Variants in MAGEL2 observed in about 807,000 individuals in gnomAD.
MAGEL2 encodes MAGE family member L2.
For missense variants in MAGEL2, 1,830 were observed against 1,699.2 expected, an observed-to-expected ratio of 1.08 and a Z score of -1.35; for synonymous variants, 792 against 721.7, an observed-to-expected ratio of 1.10 and a Z score of -1.56.
In MAGEL2 at chr15:23,646,315, T is replaced by C. The variant is rs1890401815; in HGVS notation, c.1428A>G (p.Pro476=). Residue 476 remains proline (P), a synonymous_variant, in exon 1 of 1, where the codon CCA becomes CCG. Transcript: ENST00000650528. This position sits in a 1 kb window ranked among gnomAD's most constrained non-coding sequence, Gnocchi z 4.2. ...CAGGTGGAGCCTGGCGGATCACAGG[T>C]GGGGCCTGGCGGATCACAGGTGGGG... ...RQAPPVIRQA[P]PVIRQAPPVI... is the part of the protein sequence containing the mutation. 1 of 1,363,862 alleles carries C rather than the reference T, an allele frequency of 7.3e-7. No individual in the cohort carries two copies. The highest frequency in any genetic ancestry group is 9.3e-7 in the Non-Finnish European group (1 of 1,070,662). The allele number at this position is 1,363,862 out of a possible 1,614,324, so 84.5% of individuals were successfully genotyped here.
Position 23,646,104 on chromosome 15 carries a change from G to A in MAGEL2, c.1639C>T (p.Pro547Ser). The A allele has an allele frequency of 1.4e-6, 2 of 1,418,194 alleles. No homozygotes were observed. The highest frequency in any genetic ancestry group is 1.5e-5 in the South Asian group (1 of 66,548). 87.9% of individuals were successfully genotyped at this position (1,418,194 alleles called of 1,614,324 possible). A position where few individuals can be genotyped will look rare whatever the true frequency, so the allele number is the denominator to read the frequency against. Reference sequence around the variant, plus strand: ...GGCGCCGCGGGTACCTGCGTAGCAGGTGGGGCCGTAGGCACCTGCGGCGCC... The same window carrying A: ...GGCGCCGCGGGTACCTGCGTAGCAGATGGGGCCGTAGGCACCTGCGGCGCC... Reference protein sequence around the residue: ...QAAPQVPTAPPATQVPAAPPA... With the variant: ...QAAPQVPTAPSATQVPAAPPA... Residue 547 changes from proline (P) to serine (S), a missense_variant, in exon 1 of 1, where the codon CCT becomes TCT. By Grantham distance (74) the Pro-to-Ser change is moderately conservative (BLOSUM62 -1). Transcript: ENST00000650528. This position sits in a 1 kb window ranked among gnomAD's most constrained non-coding sequence, Gnocchi z 4.2.
rs556339446 is a variant in MAGEL2, at chr15:23,644,157, G to A, written c.3586C>T (p.Leu1196Phe). 2 of 1,613,984 alleles carry A rather than the reference G, an allele frequency of 1.2e-6. No individual in the cohort carries two copies. Among genetic ancestry groups the A allele is most frequent in the Non-Finnish European group, 1.7e-6 (2 of 1,179,886 alleles). ...AGCTTGGCCAAAAACCTCAGGACAA[G>A]CATCTTGCTGGTTTCCAGGAATGCT... ...PRAFLETSKM[L>F]VLRFLAKLHK... The change falls in exon 1 of 1, where the codon CTT (leucine) becomes TTT (phenylalanine). Residue 1196 changes from leucine to phenylalanine, a missense_variant. Physicochemically the swap from Leu to Phe is conservative, Grantham distance 22. Transcript: ENST00000650528.
rs376987796 is a variant in MAGEL2 at position 23,644,773 on chromosome 15, G to T, written c.2970C>A (p.Pro990=). ...CACTTGCGACCTCAGACACAACTAC[G>T]GGCAGAGAGCTCCCTGGGCTTTCAG... ...GLSESPGSSL[P]VVVSEVASVS... The change falls in exon 1 of 1, where the codon CCC becomes CCA. Residue 990 remains proline (P), a synonymous_variant. Transcript: ENST00000650528. 6.2e-7 allele frequency: 1 copy of T among 1,613,680 alleles called. No individual in the cohort carries two copies. Among genetic ancestry groups the T allele is most frequent in the Non-Finnish European group, 8.5e-7 (1 of 1,179,880 alleles).
At position 23,645,106 on chromosome 15, in the gene MAGEL2, T is replaced by C. The variant is rs367734956; in HGVS notation, c.2637A>G (p.Pro879=). The C allele has an allele frequency of 5.0e-5, 81 of 1,613,798 alleles. 3 individuals carry two copies. The African/African-American group carries it at 5.6e-4, about 11-fold the overall frequency. The change falls in exon 1 of 1, where the codon CCA becomes CCG. Residue 879 remains proline, a synonymous_variant. Coordinates refer to ENST00000650528, the MANE Select transcript of MAGEL2 (RefSeq NM_019066.5). ...TCCGGGTGGCCTTGCCGGAGCGGCG[T>C]GGCGGCTCGACGGAGGTCTTGGAGG... is the stretch of plus-strand genomic sequence containing the variant. ...QEASKTSVEP[P]RRSGKATRKK...
rs1187458572 is a variant in MAGEL2, at chr15:23,645,650, C to T, written c.2093G>A (p.Gly698Glu). 2 of 1,578,202 alleles carry T rather than the reference C, an allele frequency of 1.3e-6. No homozygotes were observed. Among genetic ancestry groups the T allele is most frequent in the African/African-American group, 2.7e-5 (2 of 73,844 alleles). ...APPAVLQAQP[G>E]PPVAAANFPL... ...AAAATTTGCCGCTGCTACCGGGGGT[C>T]CGGGCTGGGCCTGCAAGACTGCAGG... Residue 698 changes from glycine to glutamate, a missense_variant, in exon 1 of 1, where the codon GGA becomes GAA. Gly to Glu is a moderately conservative substitution (Grantham distance 98). Coordinates refer to ENST00000650528, the MANE Select transcript of MAGEL2 (RefSeq NM_019066.5).
In MAGEL2 at chr15:23,647,309, G is replaced by A. The variant is rs372352945; in HGVS notation, c.434C>T (p.Pro145Leu). 8.1e-5 allele frequency: 124 copies of A among 1,536,214 alleles called. No individual in the cohort carries two copies. The East Asian group carries it at 8.8e-4, about 11-fold the overall frequency. Reference sequence around the variant, plus strand: ...GGGAGGGTGGGACATTGGGGTCCCCGGAGGAGGAGGATGGGCCATGGGAGC... The same window carrying A: ...GGGAGGGTGGGACATTGGGGTCCCCAGAGGAGGAGGATGGGCCATGGGAGC... ...PGAPMAHPPPPGTPMSHPPPP... is the reference protein window; with the variant it reads ...PGAPMAHPPPLGTPMSHPPPP... Residue 145 changes from proline (P) to leucine (L), a missense_variant, in exon 1 of 1, where the codon CCG (proline) becomes CTG (leucine). By Grantham distance (98) the Pro-to-Leu change is moderately conservative. Transcript: ENST00000650528.
rs1038272246 is a variant in MAGEL2 at position 23,647,461 on chromosome 15, C to T, written c.282G>A (p.Pro94=). 3 of 1,533,804 alleles carry T rather than the reference C, an allele frequency of 2.0e-6. No individual in the cohort carries two copies. The highest frequency in any genetic ancestry group is 2.7e-5 in the African/African-American group (2 of 72,936). ...GAGGCTTACCCATCGGGCCCCCCAG[C>T]GGGGGAGCCGGGACTATCGGGCCCC... ...ALGGPIVPAP[P]LGGPMGKPPT... is the part of the protein sequence containing the mutation. The change falls in exon 1 of 1, where the codon CCG becomes CCA. Residue 94 remains proline (P), a synonymous_variant. Coordinates refer to ENST00000650528, the MANE Select transcript of MAGEL2 (RefSeq NM_019066.5).
At position 23,645,515 on chromosome 15, in the gene MAGEL2, C is replaced by T. The variant is rs769390522; in HGVS notation, c.2228G>A (p.Arg743Lys). 110 of 1,613,742 alleles carry T rather than the reference C, an allele frequency of 6.8e-5. No individual in the cohort carries two copies. The highest frequency in any genetic ancestry group is 8.5e-5 in the Non-Finnish European group (100 of 1,179,862). The change falls in exon 1 of 1, where the codon AGG becomes AAG. Residue 743 changes from arginine (R) to lysine (K), a missense_variant. Coordinates refer to ENST00000650528, the MANE Select transcript of MAGEL2 (RefSeq NM_019066.5). Reference protein sequence around the residue: ...KERRTSSKERRAPSKDRMIFA... With the variant: ...KERRTSSKERKAPSKDRMIFA... Reference sequence around the variant, plus strand: ...GATCATGCGGTCTTTTGAAGGGGCCCTGCGCTCCTTCGAGGAGGTCCTGCG... The same window carrying T: ...GATCATGCGGTCTTTTGAAGGGGCCTTGCGCTCCTTCGAGGAGGTCCTGCG...
rs755699846 is a variant in MAGEL2 at position 23,645,539 on chromosome 15, C to A, written c.2204G>T (p.Arg735Leu). The change falls in exon 1 of 1, where the codon CGC (arginine) becomes CTC (leucine). Residue 735 changes from arginine (R) to leucine (L), a missense_variant. Arg to Leu is a moderately radical substitution (Grantham distance 102). Transcript: ENST00000650528. The part of the protein sequence containing the change: ...SIDRRGSSKE[R>L]RTSSKERRAP... ...CCTGCGCTCCTTCGAGGAGGTCCTG[C>A]GCTCTTTAGAGGAGCCCCTGCGGTC... 2 of 1,613,500 alleles carry A rather than the reference C, an allele frequency of 1.2e-6. No homozygotes were observed. The highest frequency in any genetic ancestry group is 8.5e-7 in the Non-Finnish European group (1 of 1,179,732).
Position 23,643,880 on chromosome 15 carries a change from C to A in MAGEL2, c.*113G>T. ...GCAGATACGAAACCAAGTTGAAAATCCAAACGTACACTCGTGGAACTGGAA... is the reference window on the plus strand; with the variant it reads ...GCAGATACGAAACCAAGTTGAAAATACAAACGTACACTCGTGGAACTGGAA... On this transcript the variant is annotated 3_prime_UTR_variant, in exon 1 of 1. Coordinates refer to ENST00000650528, the MANE Select transcript of MAGEL2 (RefSeq NM_019066.5). 5 of 1,238,946 alleles carry A rather than the reference C, an allele frequency of 4.0e-6. No individual in the cohort carries two copies. Among genetic ancestry groups the A allele is most frequent in the South Asian group, 1.9e-5 (1 of 51,412 alleles). 76.7% of individuals were successfully genotyped at this position (1,238,946 alleles called of 1,614,324 possible).
In MAGEL2 at chr15:23,644,356, C is replaced by A; in HGVS notation, c.3387G>T (p.Glu1129Asp). The A allele has an allele frequency of 6.2e-7, 1 of 1,613,910 alleles. No individual in the cohort carries two copies. Among genetic ancestry groups the A allele is most frequent in the Non-Finnish European group, 8.5e-7 (1 of 1,179,892 alleles). ...TGAACAGAAAATTAAAGATCAGATCCTCCCTGACACAGTTGCCTTTCATAA... is the reference window on the plus strand; with the variant it reads ...TGAACAGAAAATTAAAGATCAGATCATCCCTGACACAGTTGCCTTTCATAA... Reference protein sequence around the residue: ...LIFMKGNCVREDLIFNFLFKL... With the variant: ...LIFMKGNCVRDDLIFNFLFKL... The change falls in exon 1 of 1, where the codon GAG becomes GAT. Residue 1129 changes from glutamate (E) to aspartate (D), a missense_variant. Transcript: ENST00000650528.
Position 23,644,165 on chromosome 15 carries a change from C to T in MAGEL2, c.3578G>A (p.Ser1193Asn). Residue 1193 changes from serine to asparagine, a missense_variant, in exon 1 of 1, where the codon AGC becomes AAC. Physicochemically the swap from Ser to Asn is conservative, Grantham distance 46 (BLOSUM62 1). Coordinates refer to ENST00000650528, the MANE Select transcript of MAGEL2 (RefSeq NM_019066.5). Reference protein sequence around the residue: ...LWGPRAFLETSKMLVLRFLAK... With the variant: ...LWGPRAFLETNKMLVLRFLAK... ...CAAAAACCTCAGGACAAGCATCTTG[C>T]TGGTTTCCAGGAATGCTCGAGGGCC... is the stretch of plus-strand genomic sequence containing the variant. The T allele has an allele frequency of 1.2e-6, 2 of 1,613,956 alleles. No individual in the cohort carries two copies. The highest frequency in any genetic ancestry group is 1.7e-6 in the Non-Finnish European group (2 of 1,179,870).
Position 23,644,422 on chromosome 15 carries a change from C to A in MAGEL2, c.3321G>T (p.Arg1107Ser). The A allele has an allele frequency of 3.1e-6, 5 of 1,613,906 alleles. No individual in the cohort carries two copies. The highest frequency in any genetic ancestry group is 4.2e-6 in the Non-Finnish European group (5 of 1,179,876). ...CCACCATCAGAAGGCCAAACTTGGG[C>A]CTGTCTAAATAGGATGCCACCAAAT... ...TGNLVASYLD[R>S]PKFGLLMVVL... The change falls in exon 1 of 1, where the codon AGG (arginine) becomes AGT (serine). Residue 1107 changes from arginine (R) to serine (S), a missense_variant. By Grantham distance (110) the Arg-to-Ser change is moderately radical. Transcript: ENST00000650528.
At position 23,647,840 on chromosome 15, in the gene MAGEL2, C is replaced by T; in HGVS notation, c.-98G>A. 1 of 1,255,102 alleles carries T rather than the reference C, an allele frequency of 8.0e-7. No homozygotes were observed. Among genetic ancestry groups the T allele is most frequent in the Non-Finnish European group, 1.1e-6 (1 of 947,084 alleles). 77.7% of individuals were successfully genotyped at this position (1,255,102 alleles called of 1,614,324 possible). Reference sequence around the variant, plus strand: ...TGCCTACGTGGCTGTTCAGAGGCTCCCTCCCTGCTGAATGCTGAATAGGAA... The same window carrying T: ...TGCCTACGTGGCTGTTCAGAGGCTCTCTCCCTGCTGAATGCTGAATAGGAA... On this transcript the variant is annotated 5_prime_UTR_variant, in exon 1 of 1. Coordinates refer to ENST00000650528, the MANE Select transcript of MAGEL2 (RefSeq NM_019066.5).
In MAGEL2 at chr15:23,645,628, A is replaced by G. The variant is rs1007003431; in HGVS notation, c.2115T>C (p.Asn705=). 9 of 1,591,860 alleles carry G rather than the reference A, an allele frequency of 5.7e-6. No homozygotes were observed. Among genetic ancestry groups the G allele is most frequent in the Non-Finnish European group, 6.8e-6 (8 of 1,170,038 alleles). Residue 705 remains asparagine, a synonymous_variant, in exon 1 of 1, where the codon AAT becomes AAC. Coordinates refer to ENST00000650528, the MANE Select transcript of MAGEL2 (RefSeq NM_019066.5). ...ATGATTTAGCGGAGCCCAGGGGAAAATTTGCCGCTGCTACCGGGGGTCCGG... is the reference window on the plus strand; with the variant it reads ...ATGATTTAGCGGAGCCCAGGGGAAAGTTTGCCGCTGCTACCGGGGGTCCGG... ...AQPGPPVAAA[N]FPLGSAKSLM...
chr15:23,647,076 G>T lies in MAGEL2; in HGVS notation c.667C>A (p.Pro223Thr). 6.5e-7 allele frequency: 1 copy of T among 1,535,058 alleles called. No individual in the cohort carries two copies. Among genetic ancestry groups the T allele is most frequent in the Non-Finnish European group, 8.7e-7 (1 of 1,145,938 alleles). ...PPPGTPMAHPPPPGTPMAQPP... is the reference protein window; with the variant it reads ...PPPGTPMAHPTPPGTPMAQPP... ...TGGGCCATCGGTGTACCCGGAGGGG[G>T]AGGATGAGCCATCGGTGTCCCCGGA... Residue 223 changes from proline (P) to threonine (T), a missense_variant, in exon 1 of 1, where the codon CCC becomes ACC. Transcript: ENST00000650528.
Position 23,643,992 on chromosome 15 carries a change from A to G in MAGEL2, c.*1T>C, listed in dbSNP as rs747027019. Reference sequence around the variant, plus strand: ...CAGGAGCGAGATCTCTGCTACACCTATTAGCGGGGAGGGGGCCTGCTGGTG... The same window carrying G: ...CAGGAGCGAGATCTCTGCTACACCTGTTAGCGGGGAGGGGGCCTGCTGGTG... On this transcript the variant is annotated 3_prime_UTR_variant, in exon 1 of 1. Transcript: ENST00000650528. 9 of 1,587,884 alleles carry G rather than the reference A, an allele frequency of 5.7e-6. No individual in the cohort carries two copies. The highest frequency in any genetic ancestry group is 1.3e-5 in the African/African-American group (1 of 74,440).
chr15:23,645,903 C>G lies in MAGEL2; in HGVS notation c.1840G>C (p.Ala614Pro), dbSNP rs1002642056. The G allele has an allele frequency of 1.3e-6, 2 of 1,572,664 alleles. No homozygotes were observed. The highest frequency in any genetic ancestry group is 1.2e-5 in the South Asian group (1 of 86,132). The change falls in exon 1 of 1, where the codon GCG becomes CCG. Residue 614 changes from alanine to proline, a missense_variant. Transcript: ENST00000650528. ...MEFQEVQQTQALAWQAQKAPT... is the reference protein window; with the variant it reads ...MEFQEVQQTQPLAWQAQKAPT... ...GCCTTCTGGGCCTGCCAGGCCAGCG[C>G]CTGTGTCTGCTGCACCTCCTGGAAT...
Position 23,646,797 on chromosome 15 carries a change from C to A in MAGEL2, c.946G>T (p.Ala316Ser). Residue 316 changes from alanine (A) to serine (S), a missense_variant, in exon 1 of 1, where the codon GCA becomes TCA. Ala to Ser is a moderately conservative substitution (Grantham distance 99). Transcript: ENST00000650528. This position sits in a 1 kb window ranked among gnomAD's most constrained non-coding sequence, Gnocchi z 4.2. ...APMAQPAAPP[A>S]QPMAPPAQPM... ...TGTGCAGGTGGGGCCATCGGCTGTGCAGGTGGGGCCGCCGGCTGTGCCATC... is the reference window on the plus strand; with the variant it reads ...TGTGCAGGTGGGGCCATCGGCTGTGAAGGTGGGGCCGCCGGCTGTGCCATC... 1 of 1,535,844 alleles carries A rather than the reference C, an allele frequency of 6.5e-7. No homozygotes were observed. The highest frequency in any genetic ancestry group is 8.7e-7 in the Non-Finnish European group (1 of 1,146,700).
Sources: allele counts gnomAD v4.1 joint callset, GRCh38; gene constraint gnomAD v4.1.1; non-coding constraint Gnocchi (gnomAD v3.1); transcripts MANE v1.5; gene names NCBI Gene and HGNC (gene_info 2026-07-23, HGNC 2026-07-21).